The following OSBPL8 variants were observed in gnomAD, a reference collection of about 807,000 sequenced individuals.
OSBPL8 encodes oxysterol binding protein like 8.
In OSBPL8, 59 loss-of-function variants were observed where a neutral mutation model predicts 125.5. The observed-to-expected ratio is 0.47, with a 90% CI of 0.38 to 0.58. OSBPL8 has a LOEUF of 0.58. Among genes scored for constraint, OSBPL8 ranks in the 20% least tolerant of loss-of-function variants. OSBPL8 has a pLI of 0.00. For synonymous variants in OSBPL8, 330 were observed against 338.9 expected (o/e 0.97, Z 0.29); for missense variants, 758 against 1,047.8 (o/e 0.72, Z 3.82).
chr12:76,529,584 A>T (rs1950276621), intron 1 of OSBPL8, among the ~76,000 whole-genome samples: 1 of 152,198 alleles, frequency 6.6e-6, no homozygotes, highest in Non-Finnish European at 1.5e-5. Context: ...TTTCTATTAA[A>T]ACAGTAGATC....
At chr12:76,362,609 T>C (rs373991396) in intron 21 of OSBPL8, among the ~76,000 whole-genome samples, 1 of 152,202 alleles carries the variant, frequency 6.6e-6, no homozygotes, top group East Asian at 1.9e-4. Flanking sequence ...GCATTCTCTT[T>C]GAAAACCAGC....
At chr12:76,450,763 A>T in intron 4 of OSBPL8, 88 bp downstream of exon 4, 1 of 1,329,504 alleles carries the variant, frequency 7.5e-7, no homozygotes, top group South Asian at 1.5e-5. Context: ...GAAAAAAAAT[A>T]TGATAGTCCC....
At chr12:76,527,888 C>T (rs2137311235) in intron 1 of OSBPL8, among the ~76,000 whole-genome samples, 1 of 152,306 alleles carries the variant, frequency 6.6e-6, no homozygotes, top group African/African-American at 2.4e-5. Flanking sequence ...TCTAGAGTAA[C>T]AGGCAGTCAG....
At chr12:76,442,062 T>C (rs1235892195) in intron 4 of OSBPL8, among the ~76,000 whole-genome samples, 1 of 152,194 alleles carries the variant, frequency 6.6e-6, no homozygotes. Context: ...TAAATATTTA[T>C]ACCTACTGTG....
At chr12:76,369,475 T>C (rs1167390245) in intron 20 of OSBPL8, among the ~76,000 whole-genome samples, 162 bp downstream of exon 20, 2 of 152,178 alleles carry the variant, frequency 1.3e-5, no homozygotes, top group African/African-American at 4.8e-5. Flanking sequence ...ACTTCTATCA[T>C]AGAGTCAAGC....
intron 2 of OSBPL8, among the ~76,000 whole-genome samples, chr12:76,462,604 G>C (rs766055116): frequency 6.6e-6 from 1 of 151,538 alleles, no homozygotes; most frequent in Non-Finnish European, 1.5e-5. Context: ...TAAGACAGAT[G>C]AACATTAACA....
intron 1 of OSBPL8, among the ~76,000 whole-genome samples, chr12:76,496,437 C>T (rs1037068676): frequency 6.6e-6 from 1 of 150,966 alleles, no homozygotes; most frequent in African/African-American, 2.4e-5. Context: ...GTGGCACAAT[C>T]ACAGCTCACT....
In OSBPL8 at chr12:76,397,877, G is replaced by C; in HGVS notation, c.489C>G (p.Ser163Arg). 6.2e-7 allele frequency: 1 copy of C among 1,613,986 alleles called. No homozygotes were observed. The highest frequency in any genetic ancestry group is 8.5e-7 in the Non-Finnish European group (1 of 1,179,956). The change falls in exon 8 of 24, where the codon AGC (serine) becomes AGG (arginine). Residue 163 changes from serine to arginine, a missense_variant. This residue lies in a region of OSBPL8 where 69 missense variants were observed against 148.7 expected (regional missense o/e 0.46). Coordinates refer to ENST00000261183, the MANE Select transcript of OSBPL8 (RefSeq NM_020841.5). ...TCAACACACACCATAACTTGGTCCA[G>C]CTCTTTAGAGTACCACGAATCTACA... ...DWLKIRGTLK[S>R]WTKLWCVLKP...
At chr12:76,542,966 A>G (rs1950687677) in intron 1 of OSBPL8, among the ~76,000 whole-genome samples, 1 of 152,200 alleles carries the variant, frequency 6.6e-6, no homozygotes, top group Non-Finnish European at 1.5e-5. Flanking sequence ...TGCGAGAAAT[A>G]TTCTTTTCTC....
intron 8 of OSBPL8, among the ~76,000 whole-genome samples, chr12:76,396,777 CACTTAA>C (rs1338620562): frequency 6.6e-6 from 1 of 151,976 alleles, no homozygotes; most frequent in Non-Finnish European, 1.5e-5. Context: ...TACACAAAAC[CACTTAA>C]ACTTGATTCA....
Position 76,358,600 on chromosome 12 carries a change from G to A in OSBPL8, c.2434+106C>T, listed in dbSNP as rs116851403. On this transcript the variant is annotated intron_variant, in intron 22 of 23. Coordinates refer to ENST00000261183, the MANE Select transcript of OSBPL8 (RefSeq NM_020841.5). ...TGCTTTTGTATCTCAACCCTGCCCC[G>A]ACCAAAACTCACATAACTTGAGTTA... The A allele has an allele frequency of 3.1e-4, 303 of 981,402 alleles. 1 individual carries two copies. In the East Asian group the frequency reaches 5.2e-3, roughly 17 times the overall value. 60.8% of individuals were successfully genotyped at this position (981,402 alleles called of 1,614,324 possible).
chr12:76,552,251 C>G (rs1408470489), intron 1 of OSBPL8, among the ~76,000 whole-genome samples: 1 of 151,484 alleles, frequency 6.6e-6, no homozygotes, highest in Non-Finnish European at 1.5e-5. Flanking sequence ...ATGGTGAAAC[C>G]CCATCTCTAC....
rs541775847 is a variant in OSBPL8, at chr12:76,449,673, A to C, written c.217+1178T>G. 3.3e-5 allele frequency among the ~76,000 whole-genome samples: 5 copies of C among 152,342 alleles called. No homozygotes were observed. In the South Asian group the frequency reaches 1.0e-3, roughly 32 times the overall value. On this transcript the variant is annotated intron_variant, in intron 4 of 23. Coordinates refer to ENST00000261183, the MANE Select transcript of OSBPL8 (RefSeq NM_020841.5). ...ACGTAAGATTTTAATATTCTGTGCA[A>C]CAGAATGAGAAGCATACATAAAGCC...
chr12:76,515,767 T>C (rs1240203593), intron 1 of OSBPL8, among the ~76,000 whole-genome samples: 1 of 152,030 alleles, frequency 6.6e-6, no homozygotes, highest in Non-Finnish European at 1.5e-5. Flanking sequence ...CCATTCTCCA[T>C]GGGTAGAGTT....
At chr12:76,379,317 T>C (rs964053103) in intron 15 of OSBPL8, among the ~76,000 whole-genome samples, 7 of 152,168 alleles carry the variant, frequency 4.6e-5, no homozygotes, top group African/African-American at 1.7e-4. Flanking sequence ...AACGATAAAA[T>C]ACTATGGTAA....
intron 4 of OSBPL8, among the ~76,000 whole-genome samples, chr12:76,419,213 G>A (rs1455475935): frequency 6.6e-6 from 1 of 152,126 alleles, no homozygotes; most frequent in Non-Finnish European, 1.5e-5. Context: ...TCCAGCCTGG[G>A]AGACAGAGCG....
chr12:76,401,483 C>T (rs1229684857), intron 6 of OSBPL8, among the ~76,000 whole-genome samples: 2 of 152,118 alleles, frequency 1.3e-5, no homozygotes. Context: ...CTCACAACAA[C>T]CTTGTGAAGT....
intron 1 of OSBPL8, among the ~76,000 whole-genome samples, chr12:76,497,000 C>G (rs1464605449): frequency 2.0e-5 from 3 of 152,142 alleles, no homozygotes; most frequent in Admixed American, 1.3e-4. Flanking sequence ...TTTTAACAGA[C>G]AGTATGAATA....
At chr12:76,480,167 CAA>C (rs57582036) in intron 2 of OSBPL8, among the ~76,000 whole-genome samples, 15 of 56,366 alleles carry the variant, frequency 2.7e-4, no homozygotes, top group Non-Finnish European at 4.0e-4. Flanking sequence ...AACTCCATCT[CAA>C]AAAAAAAAAA....
Sources: gnomAD v4.1 joint callset for allele counts (sites outside exome capture counted in the v4.1 genomes callset) on GRCh38, gnomAD v4.1.1 for gene constraint, gnomAD v4.1.1 regional missense constraint, MANE v1.5 for transcripts, NCBI Gene and HGNC (gene_info 2026-07-23, HGNC 2026-07-21) for gene names.